Variants in CRIP2 observed in about 807,000 individuals in gnomAD.
CRIP2 encodes cysteine-rich protein 2.
Under a neutral mutation model 31.3 loss-of-function variants are expected in CRIP2, and 31 were observed. That is an observed-to-expected ratio of 0.99 (90% CI 0.74 to 1.34). CRIP2 has a LOEUF of 1.34. Ranked by LOEUF, CRIP2 falls within the 40% of genes most tolerant of loss-of-function variation. CRIP2 has a pLI of 0.00. For synonymous variants in CRIP2, 177 were observed against 127.2 expected, an observed-to-expected ratio of 1.39 and a Z score of -2.63; for missense variants, 389 against 301.6, an observed-to-expected ratio of 1.29 and a Z score of -2.15.
At chr14:105,475,835 T>C in intron 1 of CRIP2, 2 of 985,472 alleles carry the variant, frequency 2.0e-6, no homozygotes, top group Non-Finnish European at 2.4e-6. Context: ...ACCCACCAGC[T>C]GCTGCACGAA....
At chr14:105,476,330 C>T (rs1456073120) in intron 1 of CRIP2, 4 of 985,460 alleles carry the variant, frequency 4.1e-6, no homozygotes, top group Non-Finnish European at 4.8e-6. Context: ...ACCCGGCTGG[C>T]TTCTGTCCTG....
upstream of CRIP2, among the ~76,000 whole-genome samples, chr14:105,473,877 G>C (rs1368988353): frequency 3.3e-5 from 5 of 152,172 alleles, no homozygotes; most frequent in Non-Finnish European, 7.4e-5. Context: ...TGGGCCCCCA[G>C]GCACGCAGCT....
chr14:105,477,300 T>C (rs1198157965), intron 1 of CRIP2: 3 of 985,292 alleles, frequency 3.0e-6, no homozygotes, highest in Non-Finnish European at 3.6e-6. Context: ...TCCCGGACCC[T>C]CAGCAGCTGC....
rs1567061861 is a variant in CRIP2 at position 105,477,949 on chromosome 14, G to GGTGTTGGA, written c.44-316_44-315insTGTTGGAG. 6.4e-4 allele frequency among the ~76,000 whole-genome samples: 71 copies of GGTGTTGGA among 111,766 alleles called. 9 individuals are homozygous for GGTGTTGGA. Among genetic ancestry groups the GGTGTTGGA allele is most frequent in the African/African-American group, 4.1e-3 (67 of 16,362 alleles). 73.3% of individuals were successfully genotyped at this position (111,766 alleles called of 152,430 possible). On this transcript the variant is annotated intron_variant, in intron 1 of 7. Transcript: ENST00000329146. ...GCGGGCAGGTGTTGGAGCGCGGGCA[G>GGTGTTGGA]GCTCGAGCACAGGCCCCTTCACCGC...
At position 105,478,478 on chromosome 14, in the gene CRIP2, C is replaced by G. The variant is rs782303585; in HGVS notation, c.167C>G (p.Pro56Arg). The change falls in exon 3 of 8, where the codon CCG (proline) becomes CGG (arginine). Residue 56 changes from proline (P) to arginine (R), a missense_variant. Pro to Arg is a moderately radical substitution (Grantham distance 103). Coordinates refer to ENST00000329146, the MANE Select transcript of CRIP2 (RefSeq NM_001312.4). The surrounding 1 kb of genome is among the most constrained non-coding windows in gnomAD (Gnocchi z 4.9). Reference sequence around the variant, plus strand: ...GACGGGAAGCCGTTCTGCCACAAGCCGTGCTACGCCACCCTGTTCGGACCC... The same window carrying G: ...GACGGGAAGCCGTTCTGCCACAAGCGGTGCTACGCCACCCTGTTCGGACCC... ...EHDGKPFCHKPCYATLFGPKG... is the reference protein window; with the variant it reads ...EHDGKPFCHKRCYATLFGPKG... 5.6e-6 allele frequency: 9 copies of G among 1,608,654 alleles called. No individual in the cohort carries two copies. The highest frequency in any genetic ancestry group is 5.5e-5 in the South Asian group (5 of 90,844).
chr14:105,476,187 A>G (rs2083929315), intron 1 of CRIP2: 1 of 985,420 alleles, frequency 1.0e-6, no homozygotes. Context: ...CCAACTGCCC[A>G]TGACTTTACC....
At chr14:105,477,668 G>GCGGGGGTGTGTGGGGAA in intron 1 of CRIP2, 2 of 446,306 alleles carry the variant, frequency 4.5e-6, no homozygotes, top group Non-Finnish European at 2.4e-6. Context: ...TGTGGGGGGA[G>GCGGGGGTGTGTGGGGAA]GCAGGTGTGT....
chr14:105,479,743 G>T lies in CRIP2; in HGVS notation c.*90G>T. On this transcript the variant is annotated 3_prime_UTR_variant, in exon 8 of 8. Coordinates refer to ENST00000329146, the MANE Select transcript of CRIP2 (RefSeq NM_001312.4). ...GGCTCTGCTGGGAGAGTGCTCAGCC[G>T]CCCAGTCCTGCCTGCAAGCCCAGGG... 4 of 1,363,660 alleles carry T rather than the reference G, an allele frequency of 2.9e-6. No homozygotes were observed. The highest frequency in any genetic ancestry group is 4.0e-6 in the Non-Finnish European group (4 of 989,512). 84.5% of individuals were successfully genotyped at this position (1,363,660 alleles called of 1,614,324 possible). A position where few individuals can be genotyped will look rare whatever the true frequency, so the allele number is the denominator to read the frequency against.
chr14:105,473,659 A>T (rs2083878793), upstream of CRIP2: 2 of 1,106,458 alleles, frequency 1.8e-6, no homozygotes, highest in Non-Finnish European at 2.5e-6. Flanking sequence ...AGGCTCAGAG[A>T]AGGGCCCATG....
At chr14:105,473,483 C>T, upstream of CRIP2, 1 of 1,535,672 alleles carries the variant, frequency 6.5e-7, no homozygotes, top group Non-Finnish European at 8.7e-7. Flanking sequence ...GGCTCACAAA[C>T]ATGCCTGGTG....
chr14:105,476,029 T>A, intron 1 of CRIP2: 1 of 985,490 alleles, frequency 1.0e-6, no homozygotes, highest in South Asian at 4.7e-5. Flanking sequence ...GGGACCGGAT[T>A]TGGCCTGGAG....
At position 105,478,784 on chromosome 14, in the gene CRIP2, G is replaced by C. The variant is rs1207681864; in HGVS notation, c.250G>C (p.Gly84Arg). Reference sequence around the variant, plus strand: ...CATCTACGAGAAGCCCCTGGCGGAGGGGCCGCAGGTCACCGGCCCCATCGA... The same window carrying C: ...CATCTACGAGAAGCCCCTGGCGGAGCGGCCGCAGGTCACCGGCCCCATCGA... The part of the protein sequence containing the change: ...SYIYEKPLAE[G>R]PQVTGPIEVP... The change falls in exon 4 of 8, where the codon GGG (glycine) becomes CGG (arginine). Residue 84 changes from glycine to arginine, a missense_variant. Physicochemically the swap from Gly to Arg is moderately radical, Grantham distance 125 (BLOSUM62 -2). Coordinates refer to ENST00000329146, the MANE Select transcript of CRIP2 (RefSeq NM_001312.4). This position sits in a 1 kb window ranked among gnomAD's most constrained non-coding sequence, Gnocchi z 4.9. 19 of 1,432,222 alleles carry C rather than the reference G, an allele frequency of 1.3e-5. No homozygotes were observed. The African/African-American group carries it at 2.4e-4, about 18-fold the overall frequency. 88.7% of individuals were successfully genotyped at this position (1,432,222 alleles called of 1,614,324 possible).
chr14:105,476,629 G>C, intron 1 of CRIP2: 1 of 985,470 alleles, frequency 1.0e-6, no homozygotes, highest in Non-Finnish European at 1.2e-6. Context: ...GAGCTGGCCA[G>C]AGCACAGTGC....
intron 6 of CRIP2, 84 bp downstream of exon 6, chr14:105,479,303 T>TG (rs587651277): frequency 5.3e-6 from 7 of 1,319,538 alleles, no homozygotes; most frequent in East Asian, 4.7e-5. Context: ...CTAGAGGGGA[T>TG]GGGGGGTGGT....
intron 1 of CRIP2, chr14:105,477,441 C>T (rs1555436036): frequency 2.0e-6 from 2 of 985,080 alleles, no homozygotes; most frequent in Non-Finnish European, 2.4e-6. Flanking sequence ...CCTGGCCTTC[C>T]CATGAGGGAG....
upstream of CRIP2, chr14:105,473,186 G>A: frequency 1.3e-6 from 2 of 1,526,602 alleles, no homozygotes; most frequent in South Asian, 2.4e-5. Context: ...CTGCTGTGAG[G>A]GACCCCTAGG....
Position 105,479,893 on chromosome 14 carries a change from C to T in CRIP2, c.*240C>T. 1.8e-6 allele frequency: 1 copy of T among 571,084 alleles called. No homozygotes were observed. Among genetic ancestry groups the T allele is most frequent in the African/African-American group, 1.9e-5 (1 of 53,386 alleles). The allele number at this position is 571,084 out of a possible 1,614,324, so 35.4% of individuals were successfully genotyped here. On this transcript the variant is annotated 3_prime_UTR_variant, in exon 8 of 8. Transcript: ENST00000329146. ...CCCTTCTGTGTCTGCGTGTCCGAAT[C>T]CCCGTGTGACCCTGTCCCAGCATTT...
At position 105,479,083 on chromosome 14, in the gene CRIP2, GC is replaced by G. The variant is rs782003729; in HGVS notation, c.407-37del. On this transcript the variant is annotated intron_variant, in intron 5 of 7. Transcript: ENST00000329146. Reference sequence around the variant, plus strand: ...GCCCGGGCCCCGGACCCCCGCCCCCGCCCCCGCCCCGGGGCTCGGCCTCACT... The same window carrying G: ...GCCCGGGCCCCGGACCCCCGCCCCCGCCCCGCCCCGGGGCTCGGCCTCACT... The G allele has an allele frequency of 2.5e-5, 30 of 1,203,364 alleles. 1 individual carries two copies. Among genetic ancestry groups the G allele is most frequent in the Non-Finnish European group, 3.5e-5 (29 of 823,686 alleles). The allele number at this position is 1,203,364 out of a possible 1,614,324, so 74.5% of individuals were successfully genotyped here.
At position 105,478,228 on chromosome 14, in the gene CRIP2, G is replaced by A. The variant is rs782335357; in HGVS notation, c.44-38G>A. 12 of 1,443,252 alleles carry A rather than the reference G, an allele frequency of 8.3e-6. 1 individual carries two copies. In the South Asian group the frequency reaches 1.5e-4, roughly 18 times the overall value. 89.4% of individuals were successfully genotyped at this position (1,443,252 alleles called of 1,614,324 possible). On this transcript the variant is annotated intron_variant, in intron 1 of 7. Transcript: ENST00000329146. This position sits in a 1 kb window ranked among gnomAD's most constrained non-coding sequence, Gnocchi z 4.9. ...TGGGGGCGGAGGGGGTGCGGGGCGC[G>A]CCCCGGCCCTGACCCCCCTGCCGCC...
Sources: allele counts gnomAD v4.1 joint callset (sites outside exome capture counted in the v4.1 genomes callset), GRCh38; gene constraint gnomAD v4.1.1; non-coding constraint Gnocchi (gnomAD v3.1); transcripts MANE v1.5; gene names NCBI Gene and HGNC (gene_info 2026-07-23, HGNC 2026-07-21).